ODAD4: variants seen among roughly 807,000 people sequenced by gnomAD.
ODAD4 encodes the protein outer dynein arm docking complex subunit 4.
Under a neutral mutation model 51.8 loss-of-function variants are expected in ODAD4, and 49 were observed. That is an observed-to-expected ratio of 0.95 (90% CI 0.75 to 1.20). ODAD4 has a LOEUF of 1.20. Among genes scored for constraint, ODAD4 ranks in the 50% most tolerant of loss-of-function variants. The pLI is 0.00. For synonymous variants in ODAD4, 235 were observed against 221.3 expected (o/e 1.06, Z -0.55); for missense variants, 590 against 586.5 (o/e 1.01, Z -0.06).
intron 9 of ODAD4, among the ~76,000 whole-genome samples, chr17:41,951,883 C>CA (rs55769009): frequency 0.024 from 854 of 35,222 alleles, 32 homozygotes; most frequent in Middle Eastern, 0.065. Context: ...GACTCTGTCG[C>CA]AAAAAAAAAA....
At chr17:41,955,638 A>C (rs561046368) in intron 10 of ODAD4, among the ~76,000 whole-genome samples, 1 of 151,898 alleles carries the variant, frequency 6.6e-6, no homozygotes, top group East Asian at 1.9e-4. Context: ...GTTAGCCAGG[A>C]TGGTCTCGAT....
chr17:41,938,805 G>A, intron 6 of ODAD4, 24 bp downstream of exon 6: 1 of 1,608,922 alleles, frequency 6.2e-7, no homozygotes, highest in Non-Finnish European at 8.5e-7. Flanking sequence ...TCAGAGGGTG[G>A]GGCAGGTGCC....
At chr17:41,957,690 C>T (rs911369548) in intron 10 of ODAD4, among the ~76,000 whole-genome samples, 2 of 152,230 alleles carry the variant, frequency 1.3e-5, no homozygotes, top group Non-Finnish European at 2.9e-5. Context: ...CCCCTGTGGG[C>T]CTCTCCAGCT....
chr17:41,965,637 T>G lies in ODAD4; in HGVS notation c.*154T>G. 1.7e-6 allele frequency: 1 copy of G among 594,644 alleles called. No homozygotes were observed. The highest frequency in any genetic ancestry group is 3.0e-6 in the Non-Finnish European group (1 of 337,140). 36.8% of individuals were successfully genotyped at this position (594,644 alleles called of 1,614,324 possible). ...ACTATTTTGCCATTAAATAGGTGTC[T>G]TTCACTCTTGCAAACCCTGAGTCTG... On this transcript the variant is annotated 3_prime_UTR_variant, in exon 12 of 12. Coordinates refer to ENST00000377540, the MANE Select transcript of ODAD4 (RefSeq NM_031421.5).
At chr17:41,933,918 G>A (rs1238635482) in intron 1 of ODAD4, among the ~76,000 whole-genome samples, 2 of 150,814 alleles carry the variant, frequency 1.3e-5, no homozygotes, top group Non-Finnish European at 2.9e-5. Context: ...TGGGAGTGGG[G>A]ATATTGCCCT....
chr17:41,940,962 T>C (rs2050496482), intron 7 of ODAD4, among the ~76,000 whole-genome samples: 1 of 152,206 alleles, frequency 6.6e-6, no homozygotes, highest in Admixed American at 6.5e-5. Context: ...GATAGCACTG[T>C]TGGCCACTGA....
At chr17:41,946,138 G>C (rs1269791312) in intron 8 of ODAD4, among the ~76,000 whole-genome samples, 4 of 152,182 alleles carry the variant, frequency 2.6e-5, no homozygotes, top group Admixed American at 2.6e-4. Context: ...GCTTATCTGA[G>C]GCTTTCTTCC....
At chr17:41,960,733 G>T (rs375117459) in intron 10 of ODAD4, among the ~76,000 whole-genome samples, 2 of 152,200 alleles carry the variant, frequency 1.3e-5, no homozygotes, top group African/African-American at 2.4e-5. Context: ...GCTCACAGTG[G>T]GAGGGAGGTG....
At chr17:41,936,697 G>A in intron 4 of ODAD4, 65 bp from the exon 5 acceptor site, 1 of 1,591,638 alleles carries the variant, frequency 6.3e-7, no homozygotes, top group Admixed American at 1.8e-5. Flanking sequence ...ACAGACCCTA[G>A]GGCCATGGCT....
intron 1 of ODAD4, among the ~76,000 whole-genome samples, chr17:41,931,909 T>TTTG (rs56275098): frequency 0.024 from 3,513 of 148,948 alleles, 101 homozygotes; most frequent in African/African-American, 0.069. Context: ...GGTGATGGTT[T>TTTG]TTGTTGTTGT....
chr17:41,946,737 C>T (rs868988137), intron 8 of ODAD4, among the ~76,000 whole-genome samples: 53 of 152,218 alleles, frequency 3.5e-4, no homozygotes, highest in African/African-American at 1.2e-3. Flanking sequence ...AGTGCAGAGG[C>T]GTGATCTCAG....
At chr17:41,956,485 CTTTTT>C (rs33985289) in intron 10 of ODAD4, among the ~76,000 whole-genome samples, 2 of 110,944 alleles carry the variant, frequency 1.8e-5, no homozygotes, top group African/African-American at 6.7e-5. Context: ...CATGCCCGGC[CTTTTT>C]TTTTTTTTTT....
rs114680919 is a variant in ODAD4 at position 41,952,889 on chromosome 17, C to T, written c.1343-2328C>T. On this transcript the variant is annotated intron_variant, in intron 9 of 11. Transcript: ENST00000377540. Reference sequence around the variant, plus strand: ...CAGTTGCTGGGACCACAGGTGCATGCCACCATGCCTGGCAAATTTTTTTTT... The same window carrying T: ...CAGTTGCTGGGACCACAGGTGCATGTCACCATGCCTGGCAAATTTTTTTTT... 3.2e-3 allele frequency among the ~76,000 whole-genome samples: 487 copies of T among 152,070 alleles called. 4 individuals are homozygous for T. Among genetic ancestry groups the T allele is most frequent in the African/African-American group, 0.011 (469 of 41,488 alleles).
intron 9 of ODAD4, chr17:41,952,812 C>T (rs1242904396): frequency 3.7e-5 from 12 of 323,748 alleles, no homozygotes; most frequent in African/African-American, 2.6e-4. Flanking sequence ...ATTCATGGCT[C>T]ACTGCAGCCT....
At chr17:41,940,420 T>C (rs1342779970) in intron 7 of ODAD4, among the ~76,000 whole-genome samples, 1 of 152,108 alleles carries the variant, frequency 6.6e-6, no homozygotes, top group Non-Finnish European at 1.5e-5. Context: ...TCCCTTGGGG[T>C]CAAACGTTCC....
chr17:41,953,967 A>G (rs370940348), intron 9 of ODAD4, among the ~76,000 whole-genome samples: 3 of 147,300 alleles, frequency 2.0e-5, no homozygotes, highest in African/African-American at 7.6e-5. Context: ...CACCTAGCCT[A>G]TGTATGTATG....
chr17:41,938,914 C>T (rs576664499), intron 6 of ODAD4, 51 bp from the exon 7 acceptor site: 81 of 1,587,688 alleles, frequency 5.1e-5, no homozygotes, highest in Non-Finnish European at 6.5e-5. Context: ...GTTACCCTGT[C>T]AGCTAAGAGG....
chr17:41,948,780 C>T (rs1438533607), intron 8 of ODAD4, among the ~76,000 whole-genome samples: 2 of 152,080 alleles, frequency 1.3e-5, no homozygotes, highest in Non-Finnish European at 2.9e-5. Context: ...AGCTGGACTA[C>T]AGGCGCCTGC....
intron 7 of ODAD4, among the ~76,000 whole-genome samples, chr17:41,939,520 A>G (rs1285987799): frequency 6.6e-6 from 1 of 152,246 alleles, no homozygotes; most frequent in Non-Finnish European, 1.5e-5. Flanking sequence ...ACCAGACACA[A>G]GGGCCATTTC....
Sources: gnomAD v4.1 joint callset for allele counts (sites outside exome capture counted in the v4.1 genomes callset) on GRCh38, gnomAD v4.1.1 for gene constraint, MANE v1.5 for transcripts, NCBI Gene and HGNC (gene_info 2026-07-23, HGNC 2026-07-21) for gene names.